B3GNT7: variants seen among roughly 807,000 people sequenced by gnomAD.
B3GNT7 encodes the protein BGnT-7.
Under a neutral mutation model 5.1 loss-of-function variants are expected in B3GNT7, and 9 were observed. That is an observed-to-expected ratio of 1.77 (90% CI 1.07 to 3.09). B3GNT7 has a LOEUF of 3.09. Among genes scored for constraint, B3GNT7 ranks in the 30% most tolerant of loss-of-function variants. The pLI is 0.00. For missense variants in B3GNT7, 468 were observed against 550.8 expected (o/e 0.85, Z 1.50); for synonymous variants, 253 against 248.6 (o/e 1.02, Z -0.17).
At chr2:231,396,116 G>C (rs1338126512) in intron 1 of B3GNT7, among the ~76,000 whole-genome samples, 1 of 151,888 alleles carries the variant, frequency 6.6e-6, no homozygotes, top group Non-Finnish European at 1.5e-5. Flanking sequence ...TGGGACCCCA[G>C]GTCTTGCCGG....
chr2:231,397,759 C>G lies in B3GNT7; in HGVS notation c.40C>G (p.Leu14Val). Reference sequence around the variant, plus strand: ...GAAAACCGTCTACCGGAGTCTGTGCCTGGCCCTGGCCCTGCTCGTGGCCGT... The same window carrying G: ...GAAAACCGTCTACCGGAGTCTGTGCGTGGCCCTGGCCCTGCTCGTGGCCGT... Reference protein sequence around the residue: ...WKKTVYRSLCLALALLVAVTV... With the variant: ...WKKTVYRSLCVALALLVAVTV... The change falls in exon 2 of 2, where the codon CTG (leucine) becomes GTG (valine). Residue 14 changes from leucine (L) to valine (V), a missense_variant. Leu to Val is a conservative substitution (Grantham distance 32, BLOSUM62 1). Transcript: ENST00000287590. 6.2e-7 allele frequency: 1 copy of G among 1,613,490 alleles called. No homozygotes were observed. Among genetic ancestry groups the G allele is most frequent in the Non-Finnish European group, 8.5e-7 (1 of 1,179,800 alleles).
Position 231,398,831 on chromosome 2 carries a change from T to C in B3GNT7, c.1112T>C (p.Leu371Pro). The change falls in exon 2 of 2, where the codon CTC (leucine) becomes CCC (proline). Residue 371 changes from leucine (L) to proline (P), a missense_variant. Physicochemically the swap from Leu to Pro is moderately conservative, Grantham distance 98. Transcript: ENST00000287590. ...GAGCCGTGCTTTTTCCGCGCCATGCTCGTGGTGCACAAGCTGCTGCCCCCT... is the reference window on the plus strand; with the variant it reads ...GAGCCGTGCTTTTTCCGCGCCATGCCCGTGGTGCACAAGCTGCTGCCCCCT... ...NKEPCFFRAM[L>P]VVHKLLPPEL... 6.2e-7 allele frequency: 1 copy of C among 1,602,844 alleles called. No homozygotes were observed. The highest frequency in any genetic ancestry group is 8.5e-7 in the Non-Finnish European group (1 of 1,179,760).
intron 1 of B3GNT7, among the ~76,000 whole-genome samples, chr2:231,396,062 C>A (rs1316727923): frequency 6.6e-6 from 1 of 152,062 alleles, no homozygotes; most frequent in Non-Finnish European, 1.5e-5. Context: ...GCGCTCAGCT[C>A]CCCGGCCCCG....
chr2:231,395,747 C>T lies in B3GNT7; in HGVS notation c.-57C>T, dbSNP rs2046506843. 3 of 1,160,420 alleles carry T rather than the reference C, an allele frequency of 2.6e-6. No individual in the cohort carries two copies. The highest frequency in any genetic ancestry group is 8.4e-5 in the East Asian group (2 of 23,674). 71.9% of individuals were successfully genotyped at this position (1,160,420 alleles called of 1,614,324 possible). ...CCGCCCGCCGTCCCGCCGGCCCGAGCCGTGGCGCCCAGAGCTGCGAGCCGC... is the reference window on the plus strand; with the variant it reads ...CCGCCCGCCGTCCCGCCGGCCCGAGTCGTGGCGCCCAGAGCTGCGAGCCGC... On this transcript the variant is annotated 5_prime_UTR_variant, in exon 1 of 2. Transcript: ENST00000287590. The surrounding 1 kb of genome is among the most constrained non-coding windows in gnomAD (Gnocchi z 7.3).
chr2:231,397,750 A>C lies in B3GNT7; in HGVS notation c.31A>C (p.Ser11Arg). 1 of 1,613,062 alleles carries C rather than the reference A, an allele frequency of 6.2e-7. No individual in the cohort carries two copies. ...CCACAGGAAGAAAACCGTCTACCGG[A>C]GTCTGTGCCTGGCCCTGGCCCTGCT... MSLWKKTVYR[S>R]LCLALALLVA... Residue 11 changes from serine to arginine, a missense_variant, in exon 2 of 2, where the codon AGT (serine) becomes CGT (arginine). Coordinates refer to ENST00000287590, the MANE Select transcript of B3GNT7 (RefSeq NM_145236.3).
rs2046528588 is a variant in B3GNT7 at position 231,397,900 on chromosome 2, T to C, written c.181T>C (p.Phe61Leu). ...TGGACAGCTGGTGAACCCCAACAAC[T>C]TCTGGAAGAACCCGAAAGATGTGGC... ...PNGQLVNPNNFWKNPKDVAAP... is the reference protein window; with the variant it reads ...PNGQLVNPNNLWKNPKDVAAP... Residue 61 changes from phenylalanine (F) to leucine (L), a missense_variant, in exon 2 of 2, where the codon TTC becomes CTC. Transcript: ENST00000287590. The C allele has an allele frequency of 6.2e-7, 1 of 1,613,770 alleles. No individual in the cohort carries two copies. The highest frequency in any genetic ancestry group is 1.7e-5 in the Admixed American group (1 of 60,026).
chr2:231,397,685 G>T (rs1366329455), intron 1 of B3GNT7, 46 bp from the exon 2 acceptor site: 2 of 1,517,290 alleles, frequency 1.3e-6, no homozygotes, highest in Middle Eastern at 1.8e-4. Flanking sequence ...GAGAGCCCTG[G>T]GCTCATCTTT....
Position 231,397,757 on chromosome 2 carries a change from G to GCCTGGC in B3GNT7, c.49_54dup (p.Ala17_Leu18dup), listed in dbSNP as rs750315281. On this transcript the variant is annotated inframe_insertion, in exon 2 of 2. Coordinates refer to ENST00000287590, the MANE Select transcript of B3GNT7 (RefSeq NM_145236.3). Reference sequence around the variant, plus strand: ...AAGAAAACCGTCTACCGGAGTCTGTGCCTGGCCCTGGCCCTGCTCGTGGCC... The same window carrying GCCTGGC: ...AAGAAAACCGTCTACCGGAGTCTGTGCCTGGCCCTGGCCCTGGCCCTGCTCGTGGCC... 7 of 1,613,410 alleles carry GCCTGGC rather than the reference G, an allele frequency of 4.3e-6. No homozygotes were observed. The highest frequency in any genetic ancestry group is 1.3e-5 in the African/African-American group (1 of 75,054).
At position 231,395,786 on chromosome 2, in the gene B3GNT7, G is replaced by A. The variant is rs1330287896; in HGVS notation, c.-18G>A. ...GCTGCGAGCCGCTCGCCCCTCCGCC[G>A]CTCCGGCCCGGGCCGCCATGTCGCT... On this transcript the variant is annotated 5_prime_UTR_variant, in exon 1 of 2. Transcript: ENST00000287590. This position sits in a 1 kb window ranked among gnomAD's most constrained non-coding sequence, Gnocchi z 7.3. 10 of 1,169,276 alleles carry A rather than the reference G, an allele frequency of 8.6e-6. No homozygotes were observed. The highest frequency in any genetic ancestry group is 1.1e-5 in the Non-Finnish European group (10 of 948,702). 72.4% of individuals were successfully genotyped at this position (1,169,276 alleles called of 1,614,324 possible).
rs770641482 is a variant in B3GNT7 at position 231,398,199 on chromosome 2, G to A, written c.480G>A (p.Glu160=). The change falls in exon 2 of 2, where the codon GAG becomes GAA. Residue 160 remains glutamate (E), a synonymous_variant. Transcript: ENST00000287590. ...CCATCCGCCAGACCTGGGGCCGCGA[G>A]CGGCAGTCCGCGGGTGGGGGCCGAG... ...REAIRQTWGR[E]RQSAGGGRGA... is the part of the protein sequence containing the mutation. 63 of 1,592,592 alleles carry A rather than the reference G, an allele frequency of 4.0e-5. No individual in the cohort carries two copies. Among genetic ancestry groups the A allele is most frequent in the Non-Finnish European group, 5.3e-5 (62 of 1,169,202 alleles).
In B3GNT7 at chr2:231,395,909, G is replaced by C; in HGVS notation, c.11+95G>C. Reference sequence around the variant, plus strand: ...CCACAGACGGGCGCCGGGACTCCCGGGATAGGAGATGCCCCCGCGCGCGCC... The same window carrying C: ...CCACAGACGGGCGCCGGGACTCCCGCGATAGGAGATGCCCCCGCGCGCGCC... On this transcript the variant is annotated intron_variant, in intron 1 of 1. Coordinates refer to ENST00000287590, the MANE Select transcript of B3GNT7 (RefSeq NM_145236.3). This position sits in a 1 kb window ranked among gnomAD's most constrained non-coding sequence, Gnocchi z 7.3. 1 of 884,512 alleles carries C rather than the reference G, an allele frequency of 1.1e-6. No homozygotes were observed. Among genetic ancestry groups the C allele is most frequent in the Admixed American group, 4.9e-5 (1 of 20,306 alleles). 54.8% of individuals were successfully genotyped at this position (884,512 alleles called of 1,614,324 possible). A position where few individuals can be genotyped will look rare whatever the true frequency, so the allele number is the denominator to read the frequency against.
chr2:231,395,776 C>T lies in B3GNT7; in HGVS notation c.-28C>T. 4.3e-6 allele frequency: 5 copies of T among 1,171,332 alleles called. No individual in the cohort carries two copies. Among genetic ancestry groups the T allele is most frequent in the Non-Finnish European group, 5.3e-6 (5 of 949,750 alleles). 72.6% of individuals were successfully genotyped at this position (1,171,332 alleles called of 1,614,324 possible). A position where few individuals can be genotyped will look rare whatever the true frequency, so the allele number is the denominator to read the frequency against. ...GGCGCCCAGAGCTGCGAGCCGCTCG[C>T]CCCTCCGCCGCTCCGGCCCGGGCCG... On this transcript the variant is annotated 5_prime_UTR_variant, in exon 1 of 2. Coordinates refer to ENST00000287590, the MANE Select transcript of B3GNT7 (RefSeq NM_145236.3). This position sits in a 1 kb window ranked among gnomAD's most constrained non-coding sequence, Gnocchi z 7.3.
intron 1 of B3GNT7, among the ~76,000 whole-genome samples, chr2:231,396,439 G>C (rs2046514891): frequency 6.6e-6 from 1 of 152,152 alleles, no homozygotes; most frequent in African/African-American, 2.4e-5. Context: ...CTGGACCTTG[G>C]GTCACACCCC....
chr2:231,401,082 G>C lies in B3GNT7; in HGVS notation c.*2157G>C, dbSNP rs2046559177. ...AGTTGTAAGCTCTTAAAAGGGCTAG[G>C]AATTTCTTTTTCGGGGAGCTCGGCT... On this transcript the variant is annotated 3_prime_UTR_variant, in exon 2 of 2. Transcript: ENST00000287590. 6.6e-6 allele frequency: 1 copy of C among 152,180 alleles called. No individual in the cohort carries two copies. Among genetic ancestry groups the C allele is most frequent in the Non-Finnish European group, 1.5e-5 (1 of 68,038 alleles). The allele number at this position is 152,180 out of a possible 1,614,324, so 9.4% of individuals were successfully genotyped here.
chr2:231,397,951 G>A lies in B3GNT7; in HGVS notation c.232G>A (p.Gly78Arg), dbSNP rs376778157. The A allele has an allele frequency of 7.4e-6, 12 of 1,612,830 alleles. No homozygotes were observed. Among genetic ancestry groups the A allele is most frequent in the Admixed American group, 6.7e-5 (4 of 60,012 alleles). Reference protein sequence around the residue: ...VAAPTPMASQGPQAWDVTTTN... With the variant: ...VAAPTPMASQRPQAWDVTTTN... ...TGCGCCCACGCCCATGGCCTCTCAG[G>A]GGCCCCAGGCCTGGGACGTGACCAC... The change falls in exon 2 of 2, where the codon GGG becomes AGG. Residue 78 changes from glycine to arginine, a missense_variant. Coordinates refer to ENST00000287590, the MANE Select transcript of B3GNT7 (RefSeq NM_145236.3).
At chr2:231,397,563 G>A (rs1435650663) in intron 1 of B3GNT7, among the ~76,000 whole-genome samples, 168 bp from the exon 2 acceptor site, 1 of 152,120 alleles carries the variant, frequency 6.6e-6, no homozygotes, top group Non-Finnish European at 1.5e-5. Flanking sequence ...AAAGGGCAGG[G>A]TGGGAGAGGA....
rs949940548 is a variant in B3GNT7, at chr2:231,400,044, G to C, written c.*1119G>C. ...GTTGCCACCTCCTACCTCAGCGGGA[G>C]TCACCTAGGAAAGATGGAGGGATTG... On this transcript the variant is annotated 3_prime_UTR_variant, in exon 2 of 2. Transcript: ENST00000287590. The C allele has an allele frequency of 1.3e-5, 2 of 149,984 alleles. No homozygotes were observed. Among genetic ancestry groups the C allele is most frequent in the African/African-American group, 4.9e-5 (2 of 40,758 alleles). The allele number at this position is 149,984 out of a possible 1,614,324, so 9.3% of individuals were successfully genotyped here. A position where few individuals can be genotyped will look rare whatever the true frequency, so the allele number is the denominator to read the frequency against.
At chr2:231,396,717 GC>G (rs2046518008) in intron 1 of B3GNT7, among the ~76,000 whole-genome samples, 1 of 152,194 alleles carries the variant, frequency 6.6e-6, no homozygotes, top group Non-Finnish European at 1.5e-5. Flanking sequence ...AGAGCTCTCA[GC>G]CCCCAGGTCT....
intron 1 of B3GNT7, chr2:231,397,244 T>A: frequency 1.0e-6 from 1 of 986,192 alleles, no homozygotes; most frequent in Non-Finnish European, 1.2e-6. Context: ...TGGCTCTGAG[T>A]CACCTAATGA....
Sources: gnomAD v4.1 joint callset for allele counts (sites outside exome capture counted in the v4.1 genomes callset) on GRCh38, gnomAD v4.1.1 for gene constraint, Gnocchi (gnomAD v3.1) non-coding constraint, MANE v1.5 for transcripts, NCBI Gene and HGNC (gene_info 2026-07-23, HGNC 2026-07-21) for gene names.